TRAPPC9: variants seen among roughly 807,000 people sequenced by gnomAD.
TRAPPC9 encodes the protein trafficking protein particle complex subunit 9.
Under a neutral mutation model 124.0 loss-of-function variants are expected in TRAPPC9, and 83 were observed. The observed-to-expected ratio is 0.67, with a 90% CI of 0.56 to 0.80. TRAPPC9 has a LOEUF of 0.80. Ranked by LOEUF, TRAPPC9 falls within the 30% of genes least tolerant of loss-of-function variation. The pLI is 0.00. For synonymous variants in TRAPPC9, 638 were observed against 617.5 expected (o/e 1.03, Z -0.49); for missense variants, 1,302 against 1,508.3 (o/e 0.86, Z 2.27).
At chr8:139,875,467 G>C (rs929624460) in intron 21 of TRAPPC9, among the ~76,000 whole-genome samples, 1 of 152,202 alleles carries the variant, frequency 6.6e-6, no homozygotes, top group African/African-American at 2.4e-5. Flanking sequence ...AATATAGGTT[G>C]TTTTCATTTT....
At chr8:140,318,665 T>C (rs1039375656) in intron 9 of TRAPPC9, among the ~76,000 whole-genome samples, 1 of 152,278 alleles carries the variant, frequency 6.6e-6, no homozygotes, top group Non-Finnish European at 1.5e-5. Context: ...CTTAGCCTAA[T>C]GCTCTCCAGT....
At chr8:140,304,857 C>T (rs918990983) in intron 10 of TRAPPC9, among the ~76,000 whole-genome samples, 1 of 152,200 alleles carries the variant, frequency 6.6e-6, no homozygotes, top group Non-Finnish European at 1.5e-5. Context: ...TAACGCAAGT[C>T]AGTCAACAGC....
intron 17 of TRAPPC9, among the ~76,000 whole-genome samples, chr8:140,149,405 AGCTC>A (rs2130816835): frequency 6.6e-6 from 1 of 152,292 alleles, no homozygotes; most frequent in East Asian, 1.9e-4. Context: ...GGATCACTTG[AGCTC>A]GGGAGTTCGA....
At chr8:140,069,531 C>T (rs749564655) in intron 17 of TRAPPC9, among the ~76,000 whole-genome samples, 1 of 109,010 alleles carries the variant, frequency 9.2e-6, no homozygotes, top group Non-Finnish European at 1.8e-5. Flanking sequence ...TGAGTATAAT[C>T]TGCATAAACT....
chr8:140,450,592 G>T (rs2071420207), intron 2 of TRAPPC9, among the ~76,000 whole-genome samples, 198 bp downstream of exon 2: 1 of 152,174 alleles, frequency 6.6e-6, no homozygotes, highest in African/African-American at 2.4e-5. Flanking sequence ...ACCAAAGGCT[G>T]TCTCTGTCTT....
chr8:140,132,329 C>A (rs1048319594), intron 17 of TRAPPC9, among the ~76,000 whole-genome samples: 1 of 152,192 alleles, frequency 6.6e-6, no homozygotes, highest in East Asian at 1.9e-4. Context: ...GCCGAAACCA[C>A]GTAAGACTTC....
At chr8:140,145,477 A>T (rs896572297) in intron 17 of TRAPPC9, among the ~76,000 whole-genome samples, 4 of 152,174 alleles carry the variant, frequency 2.6e-5, no homozygotes, top group African/African-American at 7.2e-5. Flanking sequence ...CTGTTTTAAA[A>T]GAGCTGTTAT....
rs57243402 is a variant in TRAPPC9, at chr8:140,045,631, G to GAAAAAAAAAA, written c.2557-21562_2557-21553dup. 2.1e-3 allele frequency among the ~76,000 whole-genome samples: 71 copies of GAAAAAAAAAA among 33,254 alleles called. 4 individuals are homozygous for GAAAAAAAAAA. Among genetic ancestry groups the GAAAAAAAAAA allele is most frequent in the African/African-American group, 5.8e-3 (66 of 11,470 alleles). 21.8% of individuals were successfully genotyped at this position (33,254 alleles called of 152,430 possible). A position where few individuals can be genotyped will look rare whatever the true frequency, so the allele number is the denominator to read the frequency against. On this transcript the variant is annotated intron_variant, in intron 17 of 22. Coordinates refer to ENST00000438773, the MANE Select transcript of TRAPPC9 (RefSeq NM_001160372.4). ...GACAGAGCAAGACTCCATCTCGGCA[G>GAAAAAAAAAA]AAAAAAAAAAAAAAAAAAAAAAAAA...
intron 17 of TRAPPC9, among the ~76,000 whole-genome samples, chr8:140,190,173 C>T (rs143466101): frequency 2.0e-5 from 3 of 152,196 alleles, no homozygotes; most frequent in Admixed American, 1.3e-4. Context: ...ACCACTAATC[C>T]GGCCAGGCGC....
At position 140,394,935 on chromosome 8, in the gene TRAPPC9, G is replaced by A. The variant is rs140670012; in HGVS notation, c.1134+2685C>T. ...TGGCCCTGCAAATCTGTGGCCCGGC[G>A]CAGTGCTGAACCCCACGTAGGTCCC... On this transcript the variant is annotated intron_variant, in intron 7 of 22. Transcript: ENST00000438773. Among the ~76,000 whole-genome samples, 6 of 152,268 alleles carry A rather than the reference G, an allele frequency of 3.9e-5. No individual in the cohort carries two copies. In the East Asian group the frequency reaches 5.8e-4, roughly 15 times the overall value.
intron 5 of TRAPPC9, among the ~76,000 whole-genome samples, chr8:140,417,822 C>A (rs2132497923): frequency 6.6e-6 from 1 of 152,286 alleles, no homozygotes; most frequent in African/African-American, 2.4e-5. Flanking sequence ...AAATGTCCAA[C>A]AATGATAGAC....
intron 21 of TRAPPC9, among the ~76,000 whole-genome samples, chr8:139,780,260 T>G (rs1197220859): frequency 6.6e-6 from 1 of 152,156 alleles, no homozygotes; most frequent in Non-Finnish European, 1.5e-5. Flanking sequence ...ATGTTAAGCC[T>G]TGCTATAAAG....
In TRAPPC9 at chr8:140,299,856, C is replaced by T. The variant is rs535732987; in HGVS notation, c.1768+613G>A. 3.9e-5 allele frequency among the ~76,000 whole-genome samples: 6 copies of T among 152,348 alleles called. No individual in the cohort carries two copies. In the South Asian group the frequency reaches 1.2e-3, roughly 32 times the overall value. ...TCCCACAACACAGCTTAACCCAGGA[C>T]TGACTATCCTGATCACCTGTGTTCA... On this transcript the variant is annotated intron_variant, in intron 11 of 22. Transcript: ENST00000438773.
chr8:140,080,049 C>T (rs192905201), intron 17 of TRAPPC9, among the ~76,000 whole-genome samples: 1 of 152,280 alleles, frequency 6.6e-6, no homozygotes, highest in East Asian at 1.9e-4. Context: ...TCAAAGTTTG[C>T]TTTAAGAAAT....
intron 17 of TRAPPC9, among the ~76,000 whole-genome samples, chr8:140,080,460 C>A (rs1843748904): frequency 6.6e-6 from 1 of 152,214 alleles, no homozygotes; most frequent in Admixed American, 6.5e-5. Flanking sequence ...TGTTCGGCTT[C>A]TGGTGAGGGC....
Position 140,405,534 on chromosome 8 carries a change from A to G in TRAPPC9, c.1008+43T>C, listed in dbSNP as rs1164098114. On this transcript the variant is annotated intron_variant, in intron 6 of 22. Transcript: ENST00000438773. Reference sequence around the variant, plus strand: ...ATGTAAAATGGAAACTTCTGATTAAACAACACAACTGTGTAAAAAAAATCA... The same window carrying G: ...ATGTAAAATGGAAACTTCTGATTAAGCAACACAACTGTGTAAAAAAAATCA... 1.9e-6 allele frequency: 3 copies of G among 1,611,006 alleles called. No individual in the cohort carries two copies. In the Admixed American group the frequency reaches 5.0e-5, roughly 27 times the overall value.
At chr8:140,272,130 C>CAATGATGATGGTGGCAATGGTGATGGT (rs1450234909) in intron 15 of TRAPPC9, among the ~76,000 whole-genome samples, 5 of 100,382 alleles carry the variant, frequency 5.0e-5, no homozygotes, top group Admixed American at 2.0e-4. Context: ...GTGATGGTGG[C>CAATGATGATGGTGGCAATGGTGATGGT]GATGGTGATG....
At chr8:140,083,439 G>A (rs1002345649) in intron 17 of TRAPPC9, among the ~76,000 whole-genome samples, 6 of 152,042 alleles carry the variant, frequency 3.9e-5, no homozygotes, top group Admixed American at 3.3e-4. Context: ...CTGTATTAGC[G>A]CTGAGTGAAT....
At chr8:140,199,534 AC>A in intron 17 of TRAPPC9, among the ~76,000 whole-genome samples, 2 of 70,166 alleles carry the variant, frequency 2.9e-5, no homozygotes, top group Non-Finnish European at 6.1e-5. Flanking sequence ...TCTTCCTTCC[AC>A]TGCATCATGC....
Sources: allele counts gnomAD v4.1 joint callset (sites outside exome capture counted in the v4.1 genomes callset), GRCh38; gene constraint gnomAD v4.1.1; transcripts MANE v1.5; gene names NCBI Gene and HGNC (gene_info 2026-07-23, HGNC 2026-07-21).